SLC16A12: variants seen among roughly 807,000 people sequenced by gnomAD.
The protein encoded by SLC16A12 is solute carrier family 16 member 12, also known as monocarboxylate transporter 12.
Under a neutral mutation model 42.4 loss-of-function variants are expected in SLC16A12, and 17 were observed. That is an observed-to-expected ratio of 0.40 (90% CI 0.27 to 0.60). SLC16A12 has a LOEUF of 0.60. Among genes scored for constraint, SLC16A12 ranks in the 20% least tolerant of loss-of-function variants. The probability of loss-of-function intolerance (pLI) is 0.42; values close to 1 mark genes in which losing one functional copy is unlikely to be tolerated. For missense variants in SLC16A12, 544 were observed against 623.0 expected, an observed-to-expected ratio of 0.87 and a Z score of 1.35; for synonymous variants, 224 against 229.4, an observed-to-expected ratio of 0.98 and a Z score of 0.21.
rs377249771 is a variant in SLC16A12, at chr10:89,490,628, G to A, written c.-46-28004C>T. Among the ~76,000 whole-genome samples, 12 of 152,186 alleles carry A rather than the reference G, an allele frequency of 7.9e-5. 1 individual carries two copies. The highest frequency in any genetic ancestry group is 6.5e-4 in the Admixed American group (10 of 15,276). On this transcript the variant is annotated intron_variant, in intron 2 of 7. Transcript: ENST00000371790. ...GGTATGGGGGGCCGGGATTGGGAAC[G>A]CAGAGCTTCTATGCATCCCACCCTC...
chr10:89,553,315 G>A (rs1203304463), intron 2 of SLC16A12, among the ~76,000 whole-genome samples: 1 of 152,160 alleles, frequency 6.6e-6, no homozygotes, highest in African/African-American at 2.4e-5. Context: ...ATTACAGTCA[G>A]AGTGGTACAT....
chr10:89,523,647 A>C (rs562674573), intron 2 of SLC16A12, among the ~76,000 whole-genome samples: 15 of 151,916 alleles, frequency 9.9e-5, no homozygotes, highest in Non-Finnish European at 8.8e-5. Flanking sequence ...TCATTCCTTC[A>C]TTCATTCATT....
intron 2 of SLC16A12, among the ~76,000 whole-genome samples, chr10:89,532,167 TAATTA>T (rs1175935098): frequency 1.3e-5 from 2 of 152,314 alleles, no homozygotes; most frequent in East Asian, 1.9e-4. Context: ...ATGAGCACAC[TAATTA>T]AATAATTAAT....
intron 2 of SLC16A12, among the ~76,000 whole-genome samples, chr10:89,499,320 C>T (rs150821068): frequency 1.9e-4 from 29 of 152,230 alleles, no homozygotes; most frequent in African/African-American, 5.5e-4. Context: ...TTTGGCAGGC[C>T]GAGATGGGTG....
At chr10:89,501,674 C>A (rs1404124129) in intron 2 of SLC16A12, among the ~76,000 whole-genome samples, 1 of 152,092 alleles carries the variant, frequency 6.6e-6, no homozygotes, top group Non-Finnish European at 1.5e-5. Flanking sequence ...TCACTCGAAC[C>A]CAGGAGATGA....
intron 3 of SLC16A12, among the ~76,000 whole-genome samples, chr10:89,449,173 C>T (rs533176136): frequency 6.6e-6 from 1 of 152,292 alleles, no homozygotes; most frequent in Admixed American, 6.5e-5. Context: ...TTGAAAATGG[C>T]CATACTGCCT....
At chr10:89,460,258 A>G (rs2133741113) in intron 3 of SLC16A12, among the ~76,000 whole-genome samples, 1 of 152,122 alleles carries the variant, frequency 6.6e-6, no homozygotes, top group Non-Finnish European at 1.5e-5. Flanking sequence ...TAACTCCATG[A>G]CTTCCTCAAA....
At chr10:89,548,296 G>C (rs1012375277) in intron 2 of SLC16A12, among the ~76,000 whole-genome samples, 6 of 152,100 alleles carry the variant, frequency 3.9e-5, no homozygotes, top group Non-Finnish European at 7.3e-5. Flanking sequence ...AGAAAGAAAA[G>C]GTAGCAGCAT....
chr10:89,452,682 T>C (rs1265403031), intron 3 of SLC16A12, among the ~76,000 whole-genome samples: 1 of 152,000 alleles, frequency 6.6e-6, no homozygotes. Context: ...AAATTCTAAG[T>C]CCCAGCAGAA....
intron 2 of SLC16A12, among the ~76,000 whole-genome samples, chr10:89,542,068 C>T (rs1345796635): frequency 2.0e-5 from 3 of 152,052 alleles, no homozygotes; most frequent in Non-Finnish European, 2.9e-5. Flanking sequence ...ATGACAAATA[C>T]GAGAGTGGCG....
rs1284367072 is a variant in SLC16A12, at chr10:89,554,142, A to AGGAAGGAAGGAG, written c.-47+1739_-47+1740insCTCCTTCCTTCC. ...AAGGAAGGAAGGAAGGAAGGAAGGA[A>AGGAAGGAAGGAG]GGAAAGAAAGAAAGAAAATGGGAAA... On this transcript the variant is annotated intron_variant, in intron 2 of 2. Coordinates refer to the SLC16A12 transcript ENST00000475682. 7.3e-5 allele frequency among the ~76,000 whole-genome samples: 11 copies of AGGAAGGAAGGAG among 151,352 alleles called. 1 individual carries two copies. Among genetic ancestry groups the AGGAAGGAAGGAG allele is most frequent in the African/African-American group, 2.7e-4 (11 of 41,056 alleles).
At chr10:89,501,307 A>G (rs1043288238) in intron 2 of SLC16A12, among the ~76,000 whole-genome samples, 29 of 152,244 alleles carry the variant, frequency 1.9e-4, no homozygotes, top group Admixed American at 1.6e-3. Context: ...AAATAATTCT[A>G]AGCTTCATAT....
intron 2 of SLC16A12, among the ~76,000 whole-genome samples, chr10:89,500,855 ACT>A (rs1197588953): frequency 2.6e-5 from 4 of 152,182 alleles, no homozygotes; most frequent in Non-Finnish European, 5.9e-5. Flanking sequence ...TCAAACTGTC[ACT>A]GTTTGCTGAT....
intron 2 of SLC16A12, among the ~76,000 whole-genome samples, chr10:89,526,513 C>T (rs997611152): frequency 4.6e-5 from 7 of 152,148 alleles, no homozygotes; most frequent in Non-Finnish European, 5.9e-5. Context: ...AACACAGATC[C>T]GCAGTCGTAG....
At chr10:89,487,809 CAAAAAAAAAAA>C (rs71022569) in intron 2 of SLC16A12, among the ~76,000 whole-genome samples, 10 of 84,746 alleles carry the variant, frequency 1.2e-4, no homozygotes, top group African/African-American at 5.0e-4. Flanking sequence ...GATTCTGTCT[CAAAAAAAAAAA>C]AAAAAAAAAG....
chr10:89,454,584 G>A (rs1156514013), intron 3 of SLC16A12, among the ~76,000 whole-genome samples: 1 of 151,562 alleles, frequency 6.6e-6, no homozygotes, highest in Non-Finnish European at 1.5e-5. Flanking sequence ...CAGCAATACT[G>A]AACTTCTGCT....
chr10:89,509,736 C>A (rs763470039), intron 2 of SLC16A12, among the ~76,000 whole-genome samples: 6 of 152,068 alleles, frequency 3.9e-5, no homozygotes, highest in South Asian at 4.1e-4. Context: ...GGAAGTTCTG[C>A]CCAGGGCCAT....
chr10:89,482,756 C>T (rs955710341), intron 2 of SLC16A12, among the ~76,000 whole-genome samples: 1 of 150,144 alleles, frequency 6.7e-6, no homozygotes, highest in Non-Finnish European at 1.5e-5. Flanking sequence ...GAACTACAGC[C>T]TGGGTGACAA....
At chr10:89,531,733 C>T (rs184452335) in intron 2 of SLC16A12, among the ~76,000 whole-genome samples, 9 of 152,260 alleles carry the variant, frequency 5.9e-5, no homozygotes, top group South Asian at 4.2e-4. Flanking sequence ...AAGTTCTCTA[C>T]GTGTCTTCAA....
Sources: allele counts gnomAD v4.1 joint callset (sites outside exome capture counted in the v4.1 genomes callset), GRCh38; gene constraint gnomAD v4.1.1; transcripts MANE v1.5; gene names NCBI Gene and HGNC (gene_info 2026-07-23, HGNC 2026-07-21).